Variants in CHTF18 observed in about 807,000 individuals in gnomAD.
CHTF18 encodes chromosome transmission fidelity factor 18, also known as chromosome transmission fidelity protein 18 homolog.
Under a neutral mutation model 113.4 loss-of-function variants are expected in CHTF18, and 151 were observed. The ratio of observed to expected loss-of-function variants is 1.33; its 90% CI spans 1.17 to 1.52. The LOEUF (loss-of-function observed/expected upper bound fraction) is 1.52. Among genes scored for constraint, CHTF18 ranks in the 40% most tolerant of loss-of-function variants. The probability of loss-of-function intolerance (pLI) is 0.00; values close to 1 mark genes in which losing one functional copy is unlikely to be tolerated. For synonymous variants in CHTF18, 916 were observed against 598.8 expected (o/e 1.53, Z -7.74); for missense variants, 1,982 against 1,381.6 (o/e 1.43, Z -6.89).
intron 18 of CHTF18, chr16:796,478 C>T (rs77981347): frequency 0.014 from 7,963 of 587,626 alleles, 354 homozygotes; most frequent in African/African-American, 0.095. Flanking sequence ...AGTCACTCTC[C>T]GTGGCAGCCA....
chr16:796,215 C>A, intron 18 of CHTF18, 138 bp downstream of exon 18: 1 of 1,171,228 alleles, frequency 8.5e-7, no homozygotes, highest in Non-Finnish European at 1.2e-6. Flanking sequence ...TTATCTTTTG[C>A]TCAGATGTAA....
chr16:794,113 A>T lies in CHTF18; in HGVS notation c.1862A>T (p.Asp621Val). 6.2e-7 allele frequency: 1 copy of T among 1,612,174 alleles called. No individual in the cohort carries two copies. Among genetic ancestry groups the T allele is most frequent in the Non-Finnish European group, 8.5e-7 (1 of 1,179,704 alleles). The change falls in exon 15 of 22, where the codon GAC becomes GTC. Residue 621 changes from aspartate (D) to valine (V), a missense_variant. By Grantham distance (152) the Asp-to-Val change is radical. Transcript: ENST00000262315. ...PADTLLLGDGDAGSLTSASQR... is the reference protein window; with the variant it reads ...PADTLLLGDGVAGSLTSASQR... Reference sequence around the variant, plus strand: ...GACACACTCCTGCTGGGTGACGGGGACGCGGGCTCCCTCACCTCCGCCTCA... The same window carrying T: ...GACACACTCCTGCTGGGTGACGGGGTCGCGGGCTCCCTCACCTCCGCCTCA...
At position 788,673 on chromosome 16, in the gene CHTF18, C is replaced by A. The variant is rs1021859875; in HGVS notation, c.-12C>A. ...GGGAGGTTCGGAGCGGGAGCTCGGGCTCGCGGACGGTATGGAGGACTACGA... is the reference window on the plus strand; with the variant it reads ...GGGAGGTTCGGAGCGGGAGCTCGGGATCGCGGACGGTATGGAGGACTACGA... On this transcript the variant is annotated 5_prime_UTR_variant, in exon 1 of 22. Transcript: ENST00000262315. The A allele has an allele frequency of 6.5e-7, 1 of 1,529,236 alleles. No individual in the cohort carries two copies. Among genetic ancestry groups the A allele is most frequent in the Non-Finnish European group, 8.8e-7 (1 of 1,141,270 alleles). The allele number at this position is 1,529,236 out of a possible 1,614,324, so 94.7% of individuals were successfully genotyped here. A position where few individuals can be genotyped will look rare whatever the true frequency, so the allele number is the denominator to read the frequency against.
Position 790,363 on chromosome 16 carries a change from T to G in CHTF18, c.716T>G (p.Leu239Arg). The G allele has an allele frequency of 6.2e-7, 1 of 1,611,582 alleles. No individual in the cohort carries two copies. The highest frequency in any genetic ancestry group is 8.5e-7 in the Non-Finnish European group (1 of 1,179,546). The change falls in exon 6 of 22, where the codon CTT becomes CGT. Residue 239 changes from leucine (L) to arginine (R), a missense_variant. By Grantham distance (102) the Leu-to-Arg change is moderately radical. Coordinates refer to ENST00000262315, the MANE Select transcript of CHTF18 (RefSeq NM_022092.3). ...QVDGERRERL[L>R]QEAQKLSDTL... ...TTTGCACAGCGGCGGGAGCGGCTGC[T>G]TCAGGAGGCCCAGAAGCTTTCAGAC...
Position 789,613 on chromosome 16 carries a change from G to T in CHTF18, c.504G>T (p.Leu168=). The T allele has an allele frequency of 6.2e-7, 1 of 1,608,992 alleles. No homozygotes were observed. The change falls in exon 4 of 22, where the codon CTG becomes CTT. Residue 168 remains leucine, a synonymous_variant. Transcript: ENST00000262315. Reference sequence around the variant, plus strand: ...CACCAGCTGCCCGCAATCCCGTCCTGAGGCGGCCCCCCATCTTGGAGGACT... The same window carrying T: ...CACCAGCTGCCCGCAATCCCGTCCTTAGGCGGCCCCCCATCTTGGAGGACT... The part of the protein sequence containing the change: ...RASPAARNPV[L]RRPPILEDYV...
At chr16:789,152 C>T (rs1339149482) in intron 2 of CHTF18, 27 bp downstream of exon 2, 13 of 1,549,548 alleles carry the variant, frequency 8.4e-6, no homozygotes, top group East Asian at 2.4e-5. Flanking sequence ...GCCCCAGGGC[C>T]TCCGGAGTGG....
chr16:793,415 C>A, intron 14 of CHTF18, 141 bp downstream of exon 14: 1 of 1,099,614 alleles, frequency 9.1e-7, no homozygotes, highest in Non-Finnish European at 1.3e-6. Flanking sequence ...GCCTCCAGGG[C>A]CCTCCTCAGC....
intron 1 of CHTF18, 68 bp downstream of exon 1, chr16:788,843 G>C: frequency 6.5e-7 from 1 of 1,531,114 alleles, no homozygotes; most frequent in Non-Finnish European, 8.8e-7. Context: ...CTCGGGGAGG[G>C]CGTGCCGGGG....
Position 794,123 on chromosome 16 carries a change from C to G in CHTF18, c.1872C>G (p.Ser624=). 4 of 1,612,452 alleles carry G rather than the reference C, an allele frequency of 2.5e-6. No individual in the cohort carries two copies. Among genetic ancestry groups the G allele is most frequent in the Non-Finnish European group, 3.4e-6 (4 of 1,179,766 alleles). Residue 624 remains serine (S), a synonymous_variant, in exon 15 of 22, where the codon TCC becomes TCG. Transcript: ENST00000262315. ...TLLLGDGDAG[S]LTSASQRFYR... The stretch of plus-strand genomic sequence containing the variant: ...TGCTGGGTGACGGGGACGCGGGCTC[C>G]CTCACCTCCGCCTCACAGCGATTCT...
chr16:789,403 G>A (rs546481606), intron 3 of CHTF18, 43 bp downstream of exon 3: 4 of 1,545,078 alleles, frequency 2.6e-6, no homozygotes, highest in Non-Finnish European at 3.5e-6. Context: ...TCTGTCCAGT[G>A]GGACTCAGAT....
rs199557444 is a variant in CHTF18 at position 792,323 on chromosome 16, C to T, written c.1302C>T (p.Ile434=). 33 of 1,552,698 alleles carry T rather than the reference C, an allele frequency of 2.1e-5. No individual in the cohort carries two copies. The highest frequency in any genetic ancestry group is 1.4e-4 in the African/African-American group (10 of 73,198). ...GAGGKPNCLV[I]DEIDGAPVAA... ...GCGGGAAGCCCAACTGCCTGGTCAT[C>T]GATGAGATCGACGGGGCCCCCGTGG... The change falls in exon 10 of 22, where the codon ATC becomes ATT. Residue 434 remains isoleucine (I), a synonymous_variant. Coordinates refer to ENST00000262315, the MANE Select transcript of CHTF18 (RefSeq NM_022092.3).
intron 19 of CHTF18, 23 bp from the exon 20 acceptor site, chr16:796,938 C>A: frequency 3.9e-6 from 6 of 1,528,916 alleles, no homozygotes; most frequent in Admixed American, 3.9e-5. Context: ...GTGGCCAGAT[C>A]TCACAATGCC....
chr16:790,260 C>G lies in CHTF18; in HGVS notation c.690C>G (p.Val230=), dbSNP rs372399848. Residue 230 remains valine, a synonymous_variant, in exon 5 of 22, where the codon GTC becomes GTG. Coordinates refer to ENST00000262315, the MANE Select transcript of CHTF18 (RefSeq NM_022092.3). ...GVSLASLKKQ[V]DGERRERLLQ... is the part of the protein sequence containing the mutation. The stretch of plus-strand genomic sequence containing the variant: ...CCTTAGCCTCCCTGAAGAAGCAGGT[C>G]GACGGCGAGGTAGGGGCTGCGGGTT... The G allele has an allele frequency of 6.8e-6, 11 of 1,606,460 alleles. No individual in the cohort carries two copies. In the South Asian group the frequency reaches 1.2e-4, roughly 18 times the overall value.
intron 18 of CHTF18, among the ~76,000 whole-genome samples, chr16:796,369 C>G (rs2042347517): frequency 1.3e-5 from 2 of 152,204 alleles, no homozygotes; most frequent in South Asian, 4.1e-4. Flanking sequence ...CACTCCGTTT[C>G]CCGCTGTGGG....
chr16:789,628 CT>C lies in CHTF18; in HGVS notation c.521del (p.Leu174TrpfsTer7), dbSNP rs1567390664. The C allele has an allele frequency of 6.2e-7, 1 of 1,608,280 alleles. No individual in the cohort carries two copies. Among genetic ancestry groups the C allele is most frequent in the Non-Finnish European group, 8.5e-7 (1 of 1,179,768 alleles). On this transcript the variant is annotated frameshift_variant, in exon 4 of 22. Transcript: ENST00000262315. LOFTEE classifies it high-confidence loss of function. ...RNPVLRRPPI[L>X]EDYVHVTSTE... ...ATCCCGTCCTGAGGCGGCCCCCCAT[CT>C]TGGAGGACTACGTCCACGTGACATC...
At position 792,241 on chromosome 16, in the gene CHTF18, A is replaced by G. The variant is rs1299086754; in HGVS notation, c.1220A>G (p.Glu407Gly). 6.4e-7 allele frequency: 1 copy of G among 1,569,064 alleles called. No individual in the cohort carries two copies. Among genetic ancestry groups the G allele is most frequent in the South Asian group, 1.2e-5 (1 of 85,128 alleles). Residue 407 changes from glutamate to glycine, a missense_variant, in exon 10 of 22, where the codon GAG (glutamate) becomes GGG (glycine). By Grantham distance (98) the Glu-to-Gly change is moderately conservative (BLOSUM62 -2). Coordinates refer to ENST00000262315, the MANE Select transcript of CHTF18 (RefSeq NM_022092.3). ...CATTGCAGTGACGACCGTAGCCCGG[A>G]GGTCTTCCGCACACGCATCGAGGCG... Reference protein sequence around the residue: ...EMNASDDRSPEVFRTRIEAAT... With the variant: ...EMNASDDRSPGVFRTRIEAAT...
chr16:791,899 C>G lies in CHTF18; in HGVS notation c.1153C>G (p.His385Asp). 1.2e-6 allele frequency: 2 copies of G among 1,609,976 alleles called. No individual in the cohort carries two copies. The highest frequency in any genetic ancestry group is 1.7e-6 in the Non-Finnish European group (2 of 1,178,854). ...GGGGCTGGGGAAGACCACCCTGGCA[C>G]ACGTGATTGCGCGTCACGCGGGGTA... ...PPGLGKTTLA[H>D]VIARHAGYSV... The change falls in exon 9 of 22, where the codon CAC (histidine) becomes GAC (aspartate). Residue 385 changes from histidine to aspartate, a missense_variant. His to Asp is a moderately conservative substitution (Grantham distance 81). Transcript: ENST00000262315.
At position 795,962 on chromosome 16, in the gene CHTF18, T is replaced by G; in HGVS notation, c.2341T>G (p.Tyr781Asp). 6.2e-7 allele frequency: 1 copy of G among 1,609,734 alleles called. No individual in the cohort carries two copies. Among genetic ancestry groups the G allele is most frequent in the Non-Finnish European group, 8.5e-7 (1 of 1,178,694 alleles). Residue 781 changes from tyrosine to aspartate, a missense_variant, in exon 18 of 22, where the codon TAC (tyrosine) becomes GAC (aspartate). Coordinates refer to ENST00000262315, the MANE Select transcript of CHTF18 (RefSeq NM_022092.3). Reference protein sequence around the residue: ...PKLRPVSTQLYSTREKQQLAS... With the variant: ...PKLRPVSTQLDSTREKQQLAS... Reference sequence around the variant, plus strand: ...CATCCCCTAGGTGAGCACACAGCTGTACAGCACCCGTGAAAAGCAACAGCT... The same window carrying G: ...CATCCCCTAGGTGAGCACACAGCTGGACAGCACCCGTGAAAAGCAACAGCT...
intron 8 of CHTF18, 86 bp downstream of exon 8, chr16:791,456 A>C: frequency 6.8e-7 from 1 of 1,476,140 alleles, no homozygotes; most frequent in Admixed American, 2.2e-5. Context: ...GACTTTCTCC[A>C]GGAGCCGTGG....
Sources: gnomAD v4.1 joint callset for allele counts (sites outside exome capture counted in the v4.1 genomes callset) on GRCh38, gnomAD v4.1.1 for gene constraint, MANE v1.5 for transcripts, NCBI Gene and HGNC (gene_info 2026-07-23, HGNC 2026-07-21) for gene names.